TRIOBP: variants seen among roughly 807,000 people sequenced by gnomAD.
TRIOBP encodes the protein TRIO and F-actin-binding protein.
TRIOBP carries 169 observed loss-of-function variants against 238.8 expected under a neutral mutation model. That is an observed-to-expected ratio of 0.71 (90% confidence interval 0.62 to 0.80). The LOEUF is 0.80. Ranked by LOEUF, TRIOBP falls within the 30% of genes least tolerant of loss-of-function variation. TRIOBP has a pLI of 0.00. For synonymous variants in TRIOBP, 1,150 were observed against 1,274.4 expected (o/e 0.90, Z 2.08); for missense variants, 2,838 against 3,122.6 (o/e 0.91, Z 2.17).
At chr22:37,751,438 T>G (rs947013894) in intron 11 of TRIOBP, 1 of 415,908 alleles carries the variant, frequency 2.4e-6, no homozygotes, top group Non-Finnish European at 4.6e-6. Flanking sequence ...GGGGTCTCTA[T>G]GCAGGCAGAG....
intron 11 of TRIOBP, among the ~76,000 whole-genome samples, chr22:37,744,923 T>A (rs1382472587): frequency 2.0e-5 from 3 of 152,126 alleles, no homozygotes. Context: ...TGGAGTGCAG[T>A]GGCACAATCT....
intron 6 of TRIOBP, among the ~76,000 whole-genome samples, chr22:37,719,202 C>CAAATAAATAAATAAAT (rs57821341): frequency 3.4e-5 from 5 of 145,822 alleles, no homozygotes; most frequent in African/African-American, 1.0e-4. Flanking sequence ...GACTCCATCT[C>CAAATAAATAAATAAAT]AAATAAATAA....
At chr22:37,729,654 T>C (rs1198396205) in intron 7 of TRIOBP, among the ~76,000 whole-genome samples, 1 of 152,210 alleles carries the variant, frequency 6.6e-6, no homozygotes, top group Non-Finnish European at 1.5e-5. Flanking sequence ...ATAATAGAAA[T>C]GAGAAATATG....
intron 4 of TRIOBP, among the ~76,000 whole-genome samples, chr22:37,711,134 G>C (rs1923216317): frequency 6.6e-6 from 1 of 152,226 alleles, no homozygotes; most frequent in Non-Finnish European, 1.5e-5. Flanking sequence ...TCCAGCTTCA[G>C]ATCCATCCCT....
At chr22:37,769,001 C>G (rs1470254395) in intron 19 of TRIOBP, 27 bp from the exon 20 acceptor site, 12 of 1,612,898 alleles carry the variant, frequency 7.4e-6, no homozygotes, top group Non-Finnish European at 1.0e-5. Context: ...ACAACCTATG[C>G]TCTCCTCTGC....
At chr22:37,738,837 A>G (rs757410780) in intron 10 of TRIOBP, 118 bp downstream of exon 10, 4 of 1,080,048 alleles carry the variant, frequency 3.7e-6, no homozygotes, top group Non-Finnish European at 4.2e-6. Flanking sequence ...TGGCATTGCC[A>G]TGGGGTCATC....
intron 10 of TRIOBP, among the ~76,000 whole-genome samples, chr22:37,739,580 C>T (rs1009091901): frequency 1.3e-5 from 2 of 152,170 alleles, no homozygotes; most frequent in Admixed American, 1.3e-4. Flanking sequence ...GAACCCAGGG[C>T]CCAGGAACCA....
intron 5 of TRIOBP, among the ~76,000 whole-genome samples, chr22:37,713,773 G>A (rs1252802640): frequency 1.3e-5 from 2 of 152,168 alleles, no homozygotes; most frequent in East Asian, 1.9e-4. Context: ...CCCTGCCCTC[G>A]ACACACAGTG....
rs771454615 is a variant in TRIOBP at position 37,725,692 on chromosome 22, G to A, written c.3136G>A (p.Ala1046Thr). ...CTTCCCCTTCTTCCCAGAGCCCCGC[G>A]CCCCTGAGAGTGAACCGCCCCACCA... ...DPFPFFPEPRAPESEPPHHEP... is the reference protein window; with the variant it reads ...DPFPFFPEPRTPESEPPHHEP... The change falls in exon 7 of 24, where the codon GCC becomes ACC. Residue 1046 changes from alanine to threonine, a missense_variant. This residue lies in a region of TRIOBP where 2,096 missense variants were observed against 2,137.4 expected (regional missense o/e 0.98). Coordinates refer to ENST00000644935, the MANE Select transcript of TRIOBP (RefSeq NM_001039141.3). The A allele has an allele frequency of 5.6e-6, 9 of 1,602,620 alleles. No individual in the cohort carries two copies. Among genetic ancestry groups the A allele is most frequent in the Middle Eastern group, 1.7e-4 (1 of 6,024 alleles).
At chr22:37,731,896 C>CA (rs1302398185) in intron 7 of TRIOBP, among the ~76,000 whole-genome samples, 1 of 152,232 alleles carries the variant, frequency 6.6e-6, no homozygotes, top group Non-Finnish European at 1.5e-5. Flanking sequence ...TGCCCAATCC[C>CA]ATACTTTTGA....
rs866763691 is a variant in TRIOBP, at chr22:37,734,828, C to T, written c.4492C>T (p.Pro1498Ser). ...GCAGCCAGAGGCCTGGGAGGAGAAG[C>T]CCACTCATGAGCTCCCCAGAGAACT... ...WGQPEAWEEK[P>S]THELPRELGK... The change falls in exon 9 of 24, where the codon CCC (proline) becomes TCC (serine). Residue 1498 changes from proline to serine, a missense_variant. Physicochemically the swap from Pro to Ser is moderately conservative, Grantham distance 74. Transcript: ENST00000644935. 1 of 1,612,614 alleles carries T rather than the reference C, an allele frequency of 6.2e-7. No homozygotes were observed. Among genetic ancestry groups the T allele is most frequent in the Non-Finnish European group, 8.5e-7 (1 of 1,179,908 alleles).
At position 37,735,231 on chromosome 22, in the gene TRIOBP, G is replaced by A. The variant is rs1268140612; in HGVS notation, c.4895G>A (p.Gly1632Asp). The change falls in exon 9 of 24, where the codon GGC becomes GAC. Residue 1632 changes from glycine (G) to aspartate (D), a missense_variant. Coordinates refer to ENST00000644935, the MANE Select transcript of TRIOBP (RefSeq NM_001039141.3). ...CAGGAGTCACACAGCCAGCCAGAAGGCTGGGCCGAGGCCACCCCAGTCAAT... is the reference window on the plus strand; with the variant it reads ...CAGGAGTCACACAGCCAGCCAGAAGACTGGGCCGAGGCCACCCCAGTCAAT... ...PEQESHSQPE[G>D]WAEATPVNGH... 2 of 1,605,276 alleles carry A rather than the reference G, an allele frequency of 1.2e-6. No individual in the cohort carries two copies. Among genetic ancestry groups the A allele is most frequent in the Non-Finnish European group, 1.7e-6 (2 of 1,173,506 alleles).
chr22:37,723,805 A>C lies in TRIOBP; in HGVS notation c.1249A>C (p.Thr417Pro), dbSNP rs1215326821. The change falls in exon 7 of 24, where the codon ACC (threonine) becomes CCC (proline). Residue 417 changes from threonine to proline, a missense_variant. Around this residue, in one of 5 missense-constraint regions of TRIOBP, gnomAD observed 535 missense variants for 537.3 expected, o/e 1.00. Transcript: ENST00000644935. ...GCGGGACAATCCCAAAGCCTCCAGA[A>C]CCTCCTCTCCCAATAGAGCCACACG... ...AQRDNPKASR[T>P]SSPNRATRDN... 3 of 1,593,196 alleles carry C rather than the reference A, an allele frequency of 1.9e-6. No individual in the cohort carries two copies. Among genetic ancestry groups the C allele is most frequent in the Non-Finnish European group, 2.6e-6 (3 of 1,168,462 alleles).
In TRIOBP at chr22:37,734,779, C is replaced by T; in HGVS notation, c.4443C>T (p.Ser1481=). The part of the protein sequence containing the change: ...KAPEGAWGGT[S]REYKESWGQP... ...CGGAGGGAGCATGGGGGGGCACTTC[C>T]AGGGAGTACAAGGAGAGCTGGGGGC... Residue 1481 remains serine (S), a synonymous_variant, in exon 9 of 24, where the codon TCC becomes TCT. Transcript: ENST00000644935. 1.2e-6 allele frequency: 2 copies of T among 1,612,132 alleles called. No individual in the cohort carries two copies. The highest frequency in any genetic ancestry group is 1.1e-5 in the South Asian group (1 of 91,038).
intron 11 of TRIOBP, chr22:37,746,385 C>T: frequency 1.4e-6 from 2 of 1,399,522 alleles, no homozygotes; most frequent in Non-Finnish European, 1.9e-6. Flanking sequence ...ACGTTCCTGC[C>T]TCCTGCTCCC....
chr22:37,763,398 G>A (rs1926335667), intron 17 of TRIOBP, among the ~76,000 whole-genome samples: 1 of 152,188 alleles, frequency 6.6e-6, no homozygotes, highest in Non-Finnish European at 1.5e-5. Flanking sequence ...ACACATAGAG[G>A]GCAGGAACAG....
At position 37,724,865 on chromosome 22, in the gene TRIOBP, C is replaced by T. The variant is rs1924043179; in HGVS notation, c.2309C>T (p.Thr770Ile). 4.3e-6 allele frequency: 7 copies of T among 1,613,512 alleles called. No individual in the cohort carries two copies. Among genetic ancestry groups the T allele is most frequent in the South Asian group, 1.1e-5 (1 of 91,040 alleles). The change falls in exon 7 of 24, where the codon ACA becomes ATA. Residue 770 changes from threonine to isoleucine, a missense_variant. By Grantham distance (89) the Thr-to-Ile change is moderately conservative. Transcript: ENST00000644935. ...NRTIQQENLR[T>I]SCTRQDNPRT... ...ACCATCCAACAAGAGAACCTCAGAACATCCTGTACCCGACAGGACAATCCC... is the reference window on the plus strand; with the variant it reads ...ACCATCCAACAAGAGAACCTCAGAATATCCTGTACCCGACAGGACAATCCC...
At chr22:37,755,415 G>C (rs370926178) in intron 14 of TRIOBP, 135 bp from the exon 15 acceptor site, 1 of 953,844 alleles carries the variant, frequency 1.0e-6, no homozygotes, top group Non-Finnish European at 1.6e-6. Flanking sequence ...GGGAGGTTTT[G>C]TACCCCCTGC....
intron 3 of TRIOBP, among the ~76,000 whole-genome samples, chr22:37,703,384 T>C (rs1922760447): frequency 6.6e-6 from 1 of 152,026 alleles, no homozygotes; most frequent in South Asian, 2.1e-4. Context: ...CCCCCATGCA[T>C]GTAAACACAG....
Sources: gnomAD v4.1 joint callset for allele counts (sites outside exome capture counted in the v4.1 genomes callset) on GRCh38, gnomAD v4.1.1 for gene constraint, gnomAD v4.1.1 regional missense constraint, MANE v1.5 for transcripts, NCBI Gene and HGNC (gene_info 2026-07-23, HGNC 2026-07-21) for gene names.